The following GNPTAB variants were observed in gnomAD, a reference collection of about 807,000 sequenced individuals.
GNPTAB encodes the protein N-acetylglucosamine-1-phosphotransferase subunits alpha/beta.
In GNPTAB, 92 loss-of-function variants were observed where a neutral mutation model predicts 136.6. That is an observed-to-expected ratio of 0.67 (90% CI 0.57 to 0.80). The LOEUF is 0.80. Among genes scored for constraint, GNPTAB ranks in the 30% least tolerant of loss-of-function variants. The pLI is 0.00. For synonymous variants in GNPTAB, 512 were observed against 535.1 expected (o/e 0.96, Z 0.60); for missense variants, 1,343 against 1,501.8 (o/e 0.89, Z 1.75).
At chr12:101,811,264 T>A (rs1870216583) in intron 1 of GNPTAB, among the ~76,000 whole-genome samples, 1 of 152,218 alleles carries the variant, frequency 6.6e-6, no homozygotes, top group African/African-American at 2.4e-5. Flanking sequence ...TCTCAGCTAT[T>A]TAATTCTGCC....
intron 10 of GNPTAB, among the ~76,000 whole-genome samples, chr12:101,769,169 G>A (rs554982737): frequency 6.6e-5 from 10 of 152,234 alleles, no homozygotes; most frequent in Non-Finnish European, 1.2e-4. Context: ...TTCTAACAAC[G>A]CTACAAGGGT....
chr12:101,819,826 C>T lies in GNPTAB; in HGVS notation c.117+10733G>A, dbSNP rs1043763741. Among the ~76,000 whole-genome samples, 4 of 152,250 alleles carry T rather than the reference C, an allele frequency of 2.6e-5. No homozygotes were observed. In the East Asian group the frequency reaches 7.7e-4, roughly 29 times the overall value. ...GAATATATATAATCTATTATAGTTA[C>T]ACCTGTTATATTTTAGAAGGAACTA... On this transcript the variant is annotated intron_variant, in intron 1 of 20. Transcript: ENST00000299314.
intron 1 of GNPTAB, among the ~76,000 whole-genome samples, chr12:101,827,700 C>T (rs1051827459): frequency 6.6e-6 from 1 of 152,164 alleles, no homozygotes; most frequent in African/African-American, 2.4e-5. Flanking sequence ...CACAGTGGCT[C>T]GCACCTATAA....
At chr12:101,821,053 G>A (rs1287715533) in intron 1 of GNPTAB, among the ~76,000 whole-genome samples, 8 of 87,124 alleles carry the variant, frequency 9.2e-5, no homozygotes, top group East Asian at 6.3e-4. Flanking sequence ...GTGAGACTCC[G>A]TCTCAAAAAA....
intron 19 of GNPTAB, among the ~76,000 whole-genome samples, chr12:101,751,378 T>C: frequency 6.6e-6 from 1 of 152,212 alleles, no homozygotes; most frequent in East Asian, 1.9e-4. Context: ...ATTTGCCTGG[T>C]ATCTGTCTCC....
chr12:101,770,498 G>GTGCA lies in GNPTAB; in HGVS notation c.1017_1020dup (p.Pro341CysfsTer22), dbSNP rs748809942. 9 of 1,613,110 alleles carry GTGCA rather than the reference G, an allele frequency of 5.6e-6. No homozygotes were observed. Among genetic ancestry groups the GTGCA allele is most frequent in the Non-Finnish European group, 7.6e-6 (9 of 1,179,060 alleles). The stretch of plus-strand genomic sequence containing the variant: ...ACAATGAAAATATTCCGAACCCATG[G>GTGCA]TGCATGCCTCTCGATAGATCGCAAT... On this transcript the variant is annotated frameshift_variant, in exon 9 of 21. Coordinates refer to ENST00000299314, the MANE Select transcript of GNPTAB (RefSeq NM_024312.5). LOFTEE classifies it high-confidence loss of function.
rs746584582 is a variant in GNPTAB at position 101,765,061 on chromosome 12, T to C, written c.1856A>G (p.Asn619Ser). ...TTIHFNLTFQ[N>S]TNDEEFKMQI... is the part of the protein sequence containing the mutation. ...CATTTTGAACTCTTCATCGTTTGTA[T>C]TTTGAAACGTGAGATTAAAATGTAT... The change falls in exon 13 of 21, where the codon AAT becomes AGT. Residue 619 changes from asparagine to serine, a missense_variant. Asn to Ser is a conservative substitution (Grantham distance 46). Coordinates refer to ENST00000299314, the MANE Select transcript of GNPTAB (RefSeq NM_024312.5). The C allele has an allele frequency of 3.7e-6, 6 of 1,614,060 alleles. No homozygotes were observed. In the African/African-American group the frequency reaches 8.0e-5, roughly 22 times the overall value.
intron 7 of GNPTAB, chr12:101,773,593 TTGGTTTCTAATTATATA>T (rs995586660): frequency 4.5e-5 from 7 of 154,740 alleles, no homozygotes; most frequent in Admixed American, 1.3e-4. Context: ...GTGCCTAGGG[TTGGTTTCTAATTATATA>T]TGCATAAAAG....
At chr12:101,747,713 T>G in intron 20 of GNPTAB, among the ~76,000 whole-genome samples, 1 of 151,856 alleles carries the variant, frequency 6.6e-6, no homozygotes, top group East Asian at 2.0e-4. Context: ...GTTTGAATGA[T>G]GAGCTGGAAT....
At chr12:101,761,074 A>G in intron 15 of GNPTAB, 53 bp downstream of exon 15, 1 of 1,354,782 alleles carries the variant, frequency 7.4e-7, no homozygotes, top group Non-Finnish European at 1.0e-6. Flanking sequence ...GCCTGACCAG[A>G]ATTAAATTCT....
chr12:101,782,654 A>G (rs1277564459), intron 5 of GNPTAB, among the ~76,000 whole-genome samples: 1 of 152,124 alleles, frequency 6.6e-6, no homozygotes, highest in Non-Finnish European at 1.5e-5. Flanking sequence ...TTACATTTCT[A>G]CTCAAAACCC....
chr12:101,810,393 T>G, intron 1 of GNPTAB: 1 of 101,388 alleles, frequency 9.9e-6, no homozygotes. Flanking sequence ...TCTACTCCAA[T>G]TTCATATATA....
chr12:101,828,060 T>C (rs1164966542), intron 1 of GNPTAB, among the ~76,000 whole-genome samples: 1 of 152,192 alleles, frequency 6.6e-6, no homozygotes, highest in African/African-American at 2.4e-5. Flanking sequence ...TATTAACAAG[T>C]TGGTAATATT....
chr12:101,765,952 C>A (rs1485446323), intron 12 of GNPTAB, 139 bp downstream of exon 12: 1 of 766,236 alleles, frequency 1.3e-6, no homozygotes, highest in African/African-American at 1.7e-5. Flanking sequence ...CTCTTACTTT[C>A]ATAACTAGTT....
At chr12:101,756,216 A>G (rs1566068536) in intron 18 of GNPTAB, 1 of 161,702 alleles carries the variant, frequency 6.2e-6, no homozygotes. Context: ...GACACTAAAT[A>G]GGTGTTAAAG....
In GNPTAB at chr12:101,765,099, C is replaced by T. The variant is rs770996690; in HGVS notation, c.1818G>A (p.Met606Ile). Residue 606 changes from methionine (M) to isoleucine (I), a missense_variant, in exon 13 of 21, where the codon ATG becomes ATA. Transcript: ENST00000299314. Reference sequence around the variant, plus strand: ...GATTAAAATGTATTGTGGTGGCATTCATTCCACTGTGCATTATGAGGTGGA... The same window carrying T: ...GATTAAAATGTATTGTGGTGGCATTTATTCCACTGTGCATTATGAGGTGGA... ...KTIHLIMHSG[M>I]NATTIHFNLT... The T allele has an allele frequency of 3.6e-5, 58 of 1,613,980 alleles. No homozygotes were observed. Among genetic ancestry groups the T allele is most frequent in the Middle Eastern group, 3.3e-4 (2 of 6,084 alleles).
Position 101,766,177 on chromosome 12 carries a change from C to T in GNPTAB, c.1526G>A (p.Cys509Tyr), listed in dbSNP as rs1432961744. Residue 509 changes from cysteine to tyrosine, a missense_variant, in exon 12 of 21, where the codon TGT becomes TAT. By Grantham distance (194) the Cys-to-Tyr change is radical. Transcript: ENST00000299314. ...CTTATCAGCGAGCCAGGAATTCGCA[C>T]ATCCCTGATTACAGTAAGAGACACT... ...INSVSYCNQG[C>Y]ANSWLADKFC... The T allele has an allele frequency of 2.5e-6, 4 of 1,614,022 alleles. No individual in the cohort carries two copies. The highest frequency in any genetic ancestry group is 3.3e-5 in the Admixed American group (2 of 60,000).
rs34002892 is a variant in GNPTAB at position 101,753,469 on chromosome 12, TGA to T, written c.3503_3504del (p.Leu1168GlnfsTer5). 797 of 1,613,534 alleles carry T rather than the reference TGA, an allele frequency of 4.9e-4. No individual in the cohort carries two copies. The highest frequency in any genetic ancestry group is 8.1e-4 in the South Asian group (74 of 91,082). On this transcript the variant is annotated frameshift_variant, in exon 19 of 21. Transcript: ENST00000299314. LOFTEE classifies it high-confidence loss of function. ...GGGAACATGGATTCATAGAAGTCCC[TGA>T]GAACAGCCTTCACTGTCTGAGCATC... is the stretch of plus-strand genomic sequence containing the variant. ...HKDAQTVKAV[L>X]RDFYESMFPI...
chr12:101,802,494 G>A (rs1869700161), intron 1 of GNPTAB, among the ~76,000 whole-genome samples: 1 of 152,064 alleles, frequency 6.6e-6, no homozygotes, highest in African/African-American at 2.4e-5. Flanking sequence ...GGATGGTCAA[G>A]GCTCACTGCC....
Sources: gnomAD v4.1 joint callset for allele counts (sites outside exome capture counted in the v4.1 genomes callset) on GRCh38, gnomAD v4.1.1 for gene constraint, MANE v1.5 for transcripts, NCBI Gene and HGNC (gene_info 2026-07-23, HGNC 2026-07-21) for gene names.